Variants in PDE1C observed in about 807,000 individuals in gnomAD.
The protein encoded by PDE1C is dual specificity calcium/calmodulin-dependent 3',5'-cyclic nucleotide phosphodiesterase 1C.
Under a neutral mutation model 93.1 loss-of-function variants are expected in PDE1C, and 62 were observed. That is an observed-to-expected ratio of 0.67 (90% CI 0.54 to 0.82). The LOEUF (loss-of-function observed/expected upper bound fraction) is 0.82. Ranked by LOEUF, PDE1C falls within the 40% of genes least tolerant of loss-of-function variation. PDE1C has a pLI of 0.00. For synonymous variants in PDE1C, 325 were observed against 310.1 expected, an observed-to-expected ratio of 1.05 and a Z score of -0.50; for missense variants, 742 against 884.6, an observed-to-expected ratio of 0.84 and a Z score of 2.04.
rs781380391 is a variant in PDE1C at position 31,824,896 on chromosome 7, T to C, written c.1377A>G (p.Gln459=). 6 of 1,613,124 alleles carry C rather than the reference T, an allele frequency of 3.7e-6. No homozygotes were observed. The highest frequency in any genetic ancestry group is 5.1e-6 in the Non-Finnish European group (6 of 1,179,444). ...AACGCCTCTGTCCTGTCCCACCAGT[T>C]TGAGAGGTTTCATCGATTAATGGAC... is the stretch of plus-strand genomic sequence containing the variant. ...IVSPLIDETS[Q]TGGTGQRRSS... is the part of the protein sequence containing the mutation. The change falls in exon 13 of 18, where the codon CAA becomes CAG. Residue 459 remains glutamine (Q), a synonymous_variant. Coordinates refer to ENST00000396191, the MANE Select transcript of PDE1C (RefSeq NM_001191057.4).
At chr7:32,262,904 T>C (rs184333659) in intron 1 of PDE1C, among the ~76,000 whole-genome samples, 1 of 152,380 alleles carries the variant, frequency 6.6e-6, no homozygotes, top group Non-Finnish European at 1.5e-5. Context: ...AAGGCTTCTA[T>C]TCCCACTTTA....
At chr7:32,278,673 G>A (rs1389900943) in intron 1 of PDE1C, among the ~76,000 whole-genome samples, 1 of 152,210 alleles carries the variant, frequency 6.6e-6, no homozygotes, top group Non-Finnish European at 1.5e-5. Flanking sequence ...AGGCGATGCT[G>A]TCTCAATGCC....
chr7:31,619,918 T>C, the PDE1C span, among the ~76,000 whole-genome samples: 1 of 152,174 alleles, frequency 6.6e-6, no homozygotes, highest in African/African-American at 2.4e-5. Flanking sequence ...ACTGCGCTTT[T>C]CCGACGGGCT....
intron 3 of PDE1C, among the ~76,000 whole-genome samples, chr7:32,126,138 T>C (rs927640093): frequency 1.3e-5 from 2 of 152,098 alleles, no homozygotes; most frequent in Admixed American, 1.3e-4. Flanking sequence ...CTGGAAACCA[T>C]TATTCCTGCA....
the PDE1C span, chr7:31,653,772 T>C: frequency 6.6e-6 from 1 of 152,194 alleles, no homozygotes; most frequent in African/African-American, 2.4e-5. Flanking sequence ...TGTACGTACA[T>C]TTATTATTAA....
At chr7:32,346,223 T>C (rs934536569) in intron 1 of PDE1C, among the ~76,000 whole-genome samples, 1 of 152,226 alleles carries the variant, frequency 6.6e-6, no homozygotes, top group African/African-American at 2.4e-5. Context: ...GGTCACCATT[T>C]TGAAATTCTT....
intron 9 of PDE1C, among the ~76,000 whole-genome samples, chr7:31,840,636 T>C (rs1009307891): frequency 3.9e-5 from 6 of 152,202 alleles, no homozygotes; most frequent in Admixed American, 1.3e-4. Context: ...TGGTATGTGA[T>C]AAGGGTCAAA....
At chr7:31,995,999 C>T (rs2128546822) in intron 2 of PDE1C, among the ~76,000 whole-genome samples, 1 of 151,450 alleles carries the variant, frequency 6.6e-6, no homozygotes, top group East Asian at 2.0e-4. Context: ...CCGAGAGGGA[C>T]ATCTGTTTAG....
At chr7:31,966,895 T>C (rs560121752) in intron 2 of PDE1C, among the ~76,000 whole-genome samples, 1 of 152,190 alleles carries the variant, frequency 6.6e-6, no homozygotes, top group African/African-American at 2.4e-5. Context: ...GAAATAAAGA[T>C]GTTCTTTGAA....
chr7:32,064,516 A>G (rs921878870), intron 1 of PDE1C, among the ~76,000 whole-genome samples: 1 of 152,032 alleles, frequency 6.6e-6, no homozygotes, highest in African/African-American at 2.4e-5. Context: ...ATCTTCCCCA[A>G]CTGGTCTCCA....
intron 2 of PDE1C, among the ~76,000 whole-genome samples, chr7:31,959,752 T>C (rs1430737314): frequency 6.6e-6 from 1 of 152,192 alleles, no homozygotes; most frequent in Non-Finnish European, 1.5e-5. Flanking sequence ...AGGAGGAGAA[T>C]AGGTGCCAAA....
At chr7:31,983,111 C>T (rs1302121760) in intron 2 of PDE1C, among the ~76,000 whole-genome samples, 1 of 152,206 alleles carries the variant, frequency 6.6e-6, no homozygotes, top group Non-Finnish European at 1.5e-5. Flanking sequence ...CCATCCCCCT[C>T]TCCATGTAAC....
chr7:32,332,569 C>A (rs561657276), intron 1 of PDE1C, among the ~76,000 whole-genome samples: 1 of 152,028 alleles, frequency 6.6e-6, no homozygotes, highest in Admixed American at 6.6e-5. Flanking sequence ...ACATTTGTGC[C>A]AGAATATACA....
chr7:31,699,718 T>TC, the PDE1C span, among the ~76,000 whole-genome samples: 1 of 152,170 alleles, frequency 6.6e-6, no homozygotes, highest in Admixed American at 6.5e-5. Context: ...CACCATTTTT[T>TC]CAATAGCATG....
At chr7:31,712,595 GC>G in the PDE1C span, among the ~76,000 whole-genome samples, 2 of 152,192 alleles carry the variant, frequency 1.3e-5, no homozygotes, top group Non-Finnish European at 1.5e-5. Flanking sequence ...TCAGCTGCTT[GC>G]CCACCTGAGG....
intron 3 of PDE1C, among the ~76,000 whole-genome samples, chr7:32,121,517 C>T (rs1799300054): frequency 6.6e-6 from 1 of 152,154 alleles, no homozygotes; most frequent in African/African-American, 2.4e-5. Flanking sequence ...GCCTAACAGA[C>T]TAACAACAGA....
At chr7:31,632,140 A>T in the PDE1C span, among the ~76,000 whole-genome samples, 11 of 152,196 alleles carry the variant, frequency 7.2e-5, no homozygotes, top group Non-Finnish European at 1.6e-4. Context: ...CAATTTCAGA[A>T]TGAAGATTAA....
intron 2 of PDE1C, among the ~76,000 whole-genome samples, chr7:31,994,700 C>T (rs1013482969): frequency 2.0e-5 from 3 of 152,126 alleles, no homozygotes; most frequent in African/African-American, 7.2e-5. Flanking sequence ...AATCAGGAAC[C>T]TTCACAAGTT....
chr7:31,868,219 T>C (rs574515236), intron 6 of PDE1C, among the ~76,000 whole-genome samples: 21 of 152,282 alleles, frequency 1.4e-4, no homozygotes, highest in Admixed American at 5.2e-4. Flanking sequence ...ATTTACGAAG[T>C]CTTGGATAAA....
Sources: gnomAD v4.1 joint callset for allele counts (sites outside exome capture counted in the v4.1 genomes callset) on GRCh38, gnomAD v4.1.1 for gene constraint, MANE v1.5 for transcripts, NCBI Gene and HGNC (gene_info 2026-07-23, HGNC 2026-07-21) for gene names.